Variants in MYO10 observed in about 807,000 individuals in gnomAD.
MYO10 encodes the protein myosin X, also known as unconventional myosin-X.
A neutral mutation model predicts 257.3 loss-of-function variants in MYO10; 133 were observed. The ratio of observed to expected loss-of-function variants is 0.52; its 90% CI spans 0.45 to 0.60. The LOEUF (loss-of-function observed/expected upper bound fraction) is 0.60, where lower values mean the gene tolerates loss of function less well. Ranked by LOEUF, MYO10 falls within the 20% of genes least tolerant of loss-of-function variation. The pLI is 0.00. For missense variants in MYO10, 2,399 were observed against 2,635.7 expected, an observed-to-expected ratio of 0.91 and a Z score of 1.97; for synonymous variants, 1,104 against 1,028.6, an observed-to-expected ratio of 1.07 and a Z score of -1.40.
rs1457174066 is a variant in MYO10 at position 16,663,131 on chromosome 5, AAAGT to A, written c.*3557_*3560del. ...AGAGCTAAAATACTATGCTGAGAAAAAAGTAAGCTACAACAGTTTGTTTCCATCT... is the reference window on the plus strand; with the variant it reads ...AGAGCTAAAATACTATGCTGAGAAAAAAGCTACAACAGTTTGTTTCCATCT... On this transcript the variant is annotated 3_prime_UTR_variant, in exon 41 of 41. Coordinates refer to ENST00000513610, the MANE Select transcript of MYO10 (RefSeq NM_012334.3). The A allele has an allele frequency of 7.2e-5, 11 of 152,304 alleles. No individual in the cohort carries two copies. In the East Asian group the frequency reaches 7.7e-4, roughly 11 times the overall value. 9.4% of individuals were successfully genotyped at this position (152,304 alleles called of 1,614,324 possible).
chr5:16,879,920 A>G (rs1254193008), intron 1 of MYO10, among the ~76,000 whole-genome samples: 1 of 152,150 alleles, frequency 6.6e-6, no homozygotes, highest in African/African-American at 2.4e-5. Context: ...GCTCACGCCT[A>G]TAATCCCAGC....
intron 1 of MYO10, among the ~76,000 whole-genome samples, chr5:16,882,951 T>C (rs927279606): frequency 1.3e-5 from 2 of 149,680 alleles, no homozygotes; most frequent in African/African-American, 2.4e-5. Flanking sequence ...AGTCTCACTC[T>C]GTCACCCAGG....
intron 19 of MYO10, among the ~76,000 whole-genome samples, chr5:16,718,757 G>A (rs925389403): frequency 5.5e-5 from 8 of 145,192 alleles, no homozygotes; most frequent in South Asian, 2.3e-4. Context: ...TACACCAATC[G>A]GCACCCTGTG....
At chr5:16,687,262 A>C (rs1737293942) in intron 28 of MYO10, among the ~76,000 whole-genome samples, 1 of 151,926 alleles carries the variant, frequency 6.6e-6, no homozygotes, top group Non-Finnish European at 1.5e-5. Flanking sequence ...CCAAGGCTGC[A>C]ATGAGCCACG....
intron 3 of MYO10, among the ~76,000 whole-genome samples, chr5:16,804,552 C>G (rs1742214798): frequency 6.6e-6 from 1 of 152,214 alleles, no homozygotes; most frequent in African/African-American, 2.4e-5. Context: ...CAACCATAGT[C>G]ATAGTTCCCA....
At chr5:16,856,763 C>T (rs1047866333) in intron 2 of MYO10, among the ~76,000 whole-genome samples, 5 of 152,060 alleles carry the variant, frequency 3.3e-5, no homozygotes, top group African/African-American at 1.2e-4. Flanking sequence ...ATGAGTCCAA[C>T]GCTGCAGTCA....
intron 1 of MYO10, among the ~76,000 whole-genome samples, chr5:16,900,872 T>G (rs1432538078): frequency 6.6e-6 from 1 of 151,792 alleles, no homozygotes; most frequent in Admixed American, 6.6e-5. Flanking sequence ...CCCGAGTAGC[T>G]GGGATTACAG....
chr5:16,842,810 G>A (rs1474624813), intron 2 of MYO10, among the ~76,000 whole-genome samples: 1 of 151,394 alleles, frequency 6.6e-6, no homozygotes, highest in African/African-American at 2.4e-5. Flanking sequence ...TGGGTAGATT[G>A]CTTGAGCCTG....
intron 2 of MYO10, among the ~76,000 whole-genome samples, chr5:16,858,441 T>TA (rs56792705): frequency 0.21 from 27,917 of 135,230 alleles, 2,714 homozygotes; most frequent in East Asian, 0.29. Flanking sequence ...GCTACTTTTG[T>TA]AAAAAAAAAA....
intron 2 of MYO10, among the ~76,000 whole-genome samples, chr5:16,874,044 G>A (rs1349753528): frequency 6.6e-6 from 1 of 152,170 alleles, no homozygotes; most frequent in Non-Finnish European, 1.5e-5. Flanking sequence ...CCCAGAAAAT[G>A]GGATTTTCGA....
At chr5:16,861,837 T>C (rs541009764) in intron 2 of MYO10, among the ~76,000 whole-genome samples, 1 of 152,196 alleles carries the variant, frequency 6.6e-6, no homozygotes, top group South Asian at 2.1e-4. Flanking sequence ...CCCAATACTA[T>C]CACTCCCCAC....
At chr5:16,761,138 C>A (rs1043697931) in intron 17 of MYO10, among the ~76,000 whole-genome samples, 2 of 152,076 alleles carry the variant, frequency 1.3e-5, no homozygotes, top group South Asian at 2.1e-4. Context: ...TTACAGGTGC[C>A]TGCCACCATG....
intron 32 of MYO10, among the ~76,000 whole-genome samples, chr5:16,680,561 C>T (rs528210134): frequency 9.2e-5 from 14 of 152,102 alleles, no homozygotes; most frequent in East Asian, 1.9e-4. Flanking sequence ...CTGTCCGAAC[C>T]GTCACCCAAA....
intron 1 of MYO10, among the ~76,000 whole-genome samples, chr5:16,904,676 T>G (rs959504214): frequency 6.6e-6 from 1 of 152,070 alleles, no homozygotes; most frequent in Non-Finnish European, 1.5e-5. Flanking sequence ...ACGCCTGTAA[T>G]CCCAGCACTT....
chr5:16,718,955 C>A (rs1285939052), intron 19 of MYO10, among the ~76,000 whole-genome samples: 1 of 152,188 alleles, frequency 6.6e-6, no homozygotes, highest in African/African-American at 2.4e-5. Flanking sequence ...CCACTCGGCT[C>A]TACCAATCAG....
intron 19 of MYO10, among the ~76,000 whole-genome samples, chr5:16,751,648 ATT>A (rs770395712): frequency 2.6e-4 from 37 of 140,768 alleles, no homozygotes; most frequent in Admixed American, 5.0e-4. Flanking sequence ...AACCTGGCTA[ATT>A]TTTTTTTTTT....
chr5:16,856,410 C>T (rs763318691), intron 2 of MYO10, among the ~76,000 whole-genome samples: 7 of 151,962 alleles, frequency 4.6e-5, no homozygotes, highest in Admixed American at 2.6e-4. Flanking sequence ...ACTAGCTGGG[C>T]GTGGTGGTGT....
intron 2 of MYO10, among the ~76,000 whole-genome samples, chr5:16,871,306 C>T (rs918797850): frequency 3.9e-5 from 6 of 152,184 alleles, no homozygotes; most frequent in African/African-American, 1.4e-4. Flanking sequence ...AAACTTTTGA[C>T]TCTGACTCCT....
chr5:16,854,490 A>G (rs1233413446), intron 2 of MYO10, among the ~76,000 whole-genome samples: 4 of 152,218 alleles, frequency 2.6e-5, no homozygotes, highest in African/African-American at 4.8e-5. Context: ...AGAAATGTCC[A>G]TAACAGGCAG....
Sources: allele counts gnomAD v4.1 joint callset (sites outside exome capture counted in the v4.1 genomes callset), GRCh38; gene constraint gnomAD v4.1.1; transcripts MANE v1.5; gene names NCBI Gene and HGNC (gene_info 2026-07-23, HGNC 2026-07-21).